The following TMEM132D variants were observed in gnomAD, a reference collection of about 807,000 sequenced individuals.
TMEM132D encodes the protein transmembrane protein 132D, also known as mature OL transmembrane protein.
A neutral mutation model predicts 62.3 loss-of-function variants in TMEM132D; 21 were observed. The ratio of observed to expected loss-of-function variants is 0.34; its 90% CI spans 0.24 to 0.49. The LOEUF (loss-of-function observed/expected upper bound fraction) is 0.49. Among genes scored for constraint, TMEM132D ranks in the 20% least tolerant of loss-of-function variants. The probability of loss-of-function intolerance (pLI) is 0.99; values close to 1 mark genes in which losing one functional copy is unlikely to be tolerated. For missense variants in TMEM132D, 1,346 were observed against 1,402.8 expected (o/e 0.96, Z 0.65); for synonymous variants, 621 against 575.6 (o/e 1.08, Z -1.13).
At chr12:129,440,035 T>C (rs1872896467) in intron 3 of TMEM132D, among the ~76,000 whole-genome samples, 1 of 151,840 alleles carries the variant, frequency 6.6e-6, no homozygotes, top group African/African-American at 2.4e-5. Context: ...GAAAAAGAGG[T>C]GTTATTTGGC....
At chr12:129,829,117 G>C (rs1872753004) in intron 1 of TMEM132D, among the ~76,000 whole-genome samples, 1 of 152,040 alleles carries the variant, frequency 6.6e-6, no homozygotes, top group Admixed American at 6.5e-5. Flanking sequence ...TCTGTTGATT[G>C]AATTTTCTGT....
chr12:129,085,004 G>T (rs374137613), intron 5 of TMEM132D: 94 of 519,372 alleles, frequency 1.8e-4, no homozygotes, highest in African/African-American at 1.6e-3. Flanking sequence ...CACATCTTCC[G>T]TAGAAGACTG....
At chr12:129,118,511 C>A (rs1875962289) in intron 5 of TMEM132D, among the ~76,000 whole-genome samples, 1 of 152,162 alleles carries the variant, frequency 6.6e-6, no homozygotes, top group Non-Finnish European at 1.5e-5. Context: ...AGGGATGGCA[C>A]CAAGACAGCT....
intron 3 of TMEM132D, among the ~76,000 whole-genome samples, chr12:129,366,738 G>A (rs1241256419): frequency 6.6e-6 from 1 of 152,150 alleles, no homozygotes; most frequent in South Asian, 2.1e-4. Context: ...CAAAGACAGG[G>A]CCAGCATGGC....
At chr12:129,866,301 G>A (rs529483655) in intron 1 of TMEM132D, among the ~76,000 whole-genome samples, 2 of 152,204 alleles carry the variant, frequency 1.3e-5, no homozygotes, top group Admixed American at 6.5e-5. Context: ...TAGGGTCATG[G>A]ATGAAGCAGG....
At chr12:129,441,623 A>G (rs60426605) in intron 3 of TMEM132D, among the ~76,000 whole-genome samples, 9,142 of 152,258 alleles carry the variant, frequency 0.06, 392 homozygotes, top group African/African-American at 0.12. Flanking sequence ...TTGATCCAGC[A>G]ATCCCACTAC....
intron 4 of TMEM132D, among the ~76,000 whole-genome samples, chr12:129,241,950 G>T (rs553212192): frequency 3.3e-5 from 5 of 152,176 alleles, no homozygotes; most frequent in Non-Finnish European, 7.3e-5. Flanking sequence ...AGAAAAAAAT[G>T]CATTGGACCC....
chr12:129,263,189 C>T (rs760095697), intron 4 of TMEM132D, among the ~76,000 whole-genome samples: 6 of 152,244 alleles, frequency 3.9e-5, no homozygotes, highest in East Asian at 3.9e-4. Context: ...TCAGACCTCA[C>T]GGTGGGAAGT....
intron 1 of TMEM132D, among the ~76,000 whole-genome samples, chr12:129,869,064 GTT>G (rs11308735): frequency 0.022 from 3,279 of 147,336 alleles, 101 homozygotes; most frequent in African/African-American, 0.071. Flanking sequence ...TTTGCTTTGT[GTT>G]TTTTTTTTTT....
intron 1 of TMEM132D, among the ~76,000 whole-genome samples, chr12:129,721,123 G>A (rs996102746): frequency 6.6e-6 from 1 of 152,182 alleles, no homozygotes; most frequent in Non-Finnish European, 1.5e-5. Context: ...TTTTGAGGGT[G>A]ATAAGTGAGT....
At chr12:129,245,921 A>G (rs1348580293) in intron 4 of TMEM132D, among the ~76,000 whole-genome samples, 1 of 152,172 alleles carries the variant, frequency 6.6e-6, no homozygotes, top group East Asian at 1.9e-4. Context: ...GCTTTTACGA[A>G]AAAACTAGAA....
intron 5 of TMEM132D, among the ~76,000 whole-genome samples, chr12:129,195,286 G>A (rs139028175): frequency 9.2e-5 from 14 of 152,032 alleles, no homozygotes; most frequent in East Asian, 3.9e-4. Context: ...TCATCAAGAA[G>A]CCCAGTGTGG....
intron 3 of TMEM132D, among the ~76,000 whole-genome samples, chr12:129,364,550 A>C (rs1166659931): frequency 1.3e-5 from 2 of 152,234 alleles, no homozygotes; most frequent in Non-Finnish European, 2.9e-5. Flanking sequence ...GCCTGAAATA[A>C]GTTTTGTTAG....
At chr12:129,441,356 A>G (rs996015012) in intron 3 of TMEM132D, among the ~76,000 whole-genome samples, 1 of 152,116 alleles carries the variant, frequency 6.6e-6, no homozygotes. Context: ...ACGGTATGAG[A>G]AGAACTAGAA....
intron 1 of TMEM132D, among the ~76,000 whole-genome samples, chr12:129,893,287 G>A (rs1874988764): frequency 6.6e-6 from 1 of 152,154 alleles, no homozygotes; most frequent in Non-Finnish European, 1.5e-5. Flanking sequence ...AGGATTTCAT[G>A]AGTGAATGAA....
In TMEM132D at chr12:129,451,041, C is replaced by T. The variant is rs11060354; in HGVS notation, c.1115+80018G>A. 7.6e-3 allele frequency among the ~76,000 whole-genome samples: 1,152 copies of T among 152,134 alleles called. 14 individuals are homozygous for T. The highest frequency in any genetic ancestry group is 0.075 in the East Asian group (388 of 5,140). ...CCTCCCAAAGTGCTGGGATTACAGGCGTGAGCCACCGCGCCCGGCCAATTT... is the reference window on the plus strand; with the variant it reads ...CCTCCCAAAGTGCTGGGATTACAGGTGTGAGCCACCGCGCCCGGCCAATTT... On this transcript the variant is annotated intron_variant, in intron 3 of 8. Transcript: ENST00000422113.
chr12:129,640,059 TACACACAC>T (rs10591977), intron 2 of TMEM132D, among the ~76,000 whole-genome samples: 42 of 150,768 alleles, frequency 2.8e-4, no homozygotes, highest in African/African-American at 9.5e-4. Flanking sequence ...CACACACACA[TACACACAC>T]ACACACACAC....
intron 3 of TMEM132D, among the ~76,000 whole-genome samples, chr12:129,502,560 A>G (rs561566731): frequency 2.7e-4 from 41 of 152,166 alleles, no homozygotes; most frequent in African/African-American, 9.6e-4. Flanking sequence ...AAACATGGCC[A>G]TAAGGATTCT....
At chr12:129,186,354 G>A (rs914864533) in intron 5 of TMEM132D, among the ~76,000 whole-genome samples, 4 of 152,172 alleles carry the variant, frequency 2.6e-5, no homozygotes, top group Non-Finnish European at 4.4e-5. Context: ...GCTGATGCAA[G>A]GACTCTGACT....
Sources: gnomAD v4.1 joint callset for allele counts (sites outside exome capture counted in the v4.1 genomes callset) on GRCh38, gnomAD v4.1.1 for gene constraint, MANE v1.5 for transcripts, NCBI Gene and HGNC (gene_info 2026-07-23, HGNC 2026-07-21) for gene names.